Variants in ADGRL2 observed in about 807,000 individuals in gnomAD.
ADGRL2 encodes adhesion G protein-coupled receptor L2, also known as calcium-independent alpha-latrotoxin receptor 2.
A neutral mutation model predicts 157.4 loss-of-function variants in ADGRL2; 44 were observed. The observed-to-expected ratio is 0.28, with a 90% confidence interval of 0.22 to 0.36. ADGRL2 has a LOEUF of 0.36. ADGRL2 is among the 10% of genes least tolerant of loss of function. ADGRL2 has a pLI of 1.00. For synonymous variants in ADGRL2, 585 were observed against 624.7 expected (o/e 0.94, Z 0.95); for missense variants, 1,510 against 1,768.9 (o/e 0.85, Z 2.63).
At chr1:81,707,720 T>C (rs1379710083) in intron 1 of ADGRL2, among the ~76,000 whole-genome samples, 1 of 152,126 alleles carries the variant, frequency 6.6e-6, no homozygotes, top group Non-Finnish European at 1.5e-5. Flanking sequence ...ACCAATCTGA[T>C]AACAAATACC....
intron 21 of ADGRL2, among the ~76,000 whole-genome samples, chr1:81,986,407 G>C (rs558719577): frequency 6.6e-6 from 1 of 152,102 alleles, no homozygotes; most frequent in South Asian, 2.1e-4. Context: ...TTTTTGCAAT[G>C]TGTCATACTT....
intron 2 of ADGRL2, among the ~76,000 whole-genome samples, chr1:81,773,896 A>G (rs987043470): frequency 6.6e-6 from 1 of 152,206 alleles, no homozygotes; most frequent in African/African-American, 2.4e-5. Flanking sequence ...GAATGAGGTC[A>G]TCGGGGTGGC....
At chr1:81,514,935 G>A (rs1169237065) in intron 2 of ADGRL2, 4 of 152,204 alleles carry the variant, frequency 2.6e-5, no homozygotes, top group African/African-American at 9.7e-5. Flanking sequence ...AGGAGAAAGT[G>A]AAATGATAGA....
intron 2 of ADGRL2, among the ~76,000 whole-genome samples, chr1:81,872,492 C>G (rs1386105679): frequency 2.0e-5 from 3 of 152,116 alleles, no homozygotes; most frequent in Admixed American, 6.6e-5. Flanking sequence ...TTACAGTTCA[C>G]ATATTTCAAC....
intron 3 of ADGRL2, among the ~76,000 whole-genome samples, chr1:81,620,401 TA>T (rs1328216523): frequency 1.3e-5 from 2 of 152,148 alleles, no homozygotes; most frequent in Admixed American, 6.5e-5. Context: ...TTAGGTCAAG[TA>T]AAAAAGTAAA....
At chr1:81,920,637 C>T (rs2094956102) in intron 3 of ADGRL2, among the ~76,000 whole-genome samples, 1 of 152,118 alleles carries the variant, frequency 6.6e-6, no homozygotes, top group Non-Finnish European at 1.5e-5. Context: ...AGCTCCCGCC[C>T]TGAGGAATTT....
intron 1 of ADGRL2, among the ~76,000 whole-genome samples, chr1:81,818,656 G>T (rs1166376023): frequency 6.6e-6 from 1 of 152,114 alleles, no homozygotes. Flanking sequence ...TTAAGGCCAT[G>T]CCAGGAAAAC....
chr1:81,957,586 T>G (rs1261262147), intron 11 of ADGRL2, among the ~76,000 whole-genome samples: 2 of 152,060 alleles, frequency 1.3e-5, no homozygotes, highest in East Asian at 3.9e-4. Flanking sequence ...CGCATGCCTG[T>G]AGTCCCAGCT....
At chr1:81,841,739 G>T (rs72717763) in intron 2 of ADGRL2, among the ~76,000 whole-genome samples, 19,289 of 152,104 alleles carry the variant, frequency 0.13, 1,303 homozygotes, top group Admixed American at 0.21. Flanking sequence ...GGGATGTTTT[G>T]TTGTTGTTCA....
chr1:81,406,034 A>G (rs2076848362), intron 1 of ADGRL2, among the ~76,000 whole-genome samples: 1 of 152,188 alleles, frequency 6.6e-6, no homozygotes, highest in Non-Finnish European at 1.5e-5. Context: ...AAAAAGTTTG[A>G]GAAGAGACTT....
intron 1 of ADGRL2, among the ~76,000 whole-genome samples, chr1:81,806,181 A>G (rs1439270600): frequency 1.3e-5 from 2 of 152,094 alleles, no homozygotes; most frequent in Non-Finnish European, 2.9e-5. Flanking sequence ...GAGAATTTCC[A>G]ATAAGTATAA....
chr1:81,576,683 C>A (rs1421081697), intron 2 of ADGRL2, among the ~76,000 whole-genome samples: 1 of 152,034 alleles, frequency 6.6e-6, no homozygotes, highest in Admixed American at 6.6e-5. Context: ...TGTTCTGCAG[C>A]TTGCAACATT....
chr1:81,880,698 G>A (rs187427358), intron 2 of ADGRL2, among the ~76,000 whole-genome samples: 20 of 137,696 alleles, frequency 1.5e-4, no homozygotes, highest in African/African-American at 4.0e-4. Flanking sequence ...CAGTGCACAC[G>A]CGGGCCCTTA....
intron 1 of ADGRL2, among the ~76,000 whole-genome samples, chr1:81,435,589 C>A (rs1369119388): frequency 6.6e-6 from 1 of 152,278 alleles, no homozygotes; most frequent in Non-Finnish European, 1.5e-5. Context: ...CAATCCATTT[C>A]TTCAAAACAT....
At chr1:81,951,782 T>C (rs1368920826) in intron 8 of ADGRL2, among the ~76,000 whole-genome samples, 175 bp from the exon 9 acceptor site, 1 of 152,078 alleles carries the variant, frequency 6.6e-6, no homozygotes, top group Non-Finnish European at 1.5e-5. Flanking sequence ...TGTGTGTGTG[T>C]TGATAATCTA....
chr1:81,420,675 C>T (rs1430458383), intron 1 of ADGRL2, among the ~76,000 whole-genome samples: 1 of 152,074 alleles, frequency 6.6e-6, no homozygotes, highest in South Asian at 2.1e-4. Flanking sequence ...GCCCAGTACT[C>T]TATTGATGGG....
At chr1:81,693,191 C>T (rs72718805) in intron 3 of ADGRL2, among the ~76,000 whole-genome samples, 2,682 of 152,284 alleles carry the variant, frequency 0.018, 33 homozygotes, top group South Asian at 0.054. Context: ...CAAGAGCTCA[C>T]GCATTCCCAT....
At chr1:81,771,408 GA>G (rs1486391570) in intron 2 of ADGRL2, among the ~76,000 whole-genome samples, 1 of 152,122 alleles carries the variant, frequency 6.6e-6, no homozygotes, top group Non-Finnish European at 1.5e-5. Context: ...AGCATAGGGG[GA>G]AAGTCACAAA....
intron 2 of ADGRL2, among the ~76,000 whole-genome samples, chr1:81,568,534 T>C (rs1167846770): frequency 6.6e-6 from 1 of 152,170 alleles, no homozygotes; most frequent in African/African-American, 2.4e-5. Context: ...AGGACAAATG[T>C]ACCCTTTTAT....
Sources: allele counts gnomAD v4.1 joint callset (sites outside exome capture counted in the v4.1 genomes callset), GRCh38; gene constraint gnomAD v4.1.1; transcripts MANE v1.5; gene names NCBI Gene and HGNC (gene_info 2026-07-23, HGNC 2026-07-21).